Variants in GSDMC observed in about 807,000 individuals in gnomAD.
GSDMC encodes the protein gasdermin C.
Under a neutral mutation model 58.0 loss-of-function variants are expected in GSDMC, and 59 were observed. The ratio of observed to expected loss-of-function variants is 1.02; its 90% confidence interval spans 0.82 to 1.26. The LOEUF (loss-of-function observed/expected upper bound fraction) is 1.26, where lower values mean the gene tolerates loss of function less well. Among genes scored for constraint, GSDMC ranks in the 50% most tolerant of loss-of-function variants. The probability of loss-of-function intolerance (pLI) is 0.00; values close to 1 mark genes in which losing one functional copy is unlikely to be tolerated. For synonymous variants in GSDMC, 241 were observed against 220.2 expected, an observed-to-expected ratio of 1.09 and a Z score of -0.83; for missense variants, 659 against 598.5, an observed-to-expected ratio of 1.10 and a Z score of -1.06.
chr8:129,762,401 G>C (rs1405149077), intron 5 of GSDMC, among the ~76,000 whole-genome samples: 1 of 152,170 alleles, frequency 6.6e-6, no homozygotes, highest in Admixed American at 6.5e-5. Context: ...GTACCAGACT[G>C]TCTGTATCTG....
the GSDMC span, among the ~76,000 whole-genome samples, chr8:129,716,863 T>C: frequency 3.9e-5 from 6 of 152,244 alleles, no homozygotes; most frequent in Non-Finnish European, 7.3e-5. Flanking sequence ...TTTCTGCATC[T>C]ATTGACATAA....
chr8:129,710,783 C>A, the GSDMC span, among the ~76,000 whole-genome samples: 13 of 152,182 alleles, frequency 8.5e-5, no homozygotes, highest in East Asian at 2.5e-3. Context: ...TGCTATTAAC[C>A]CAAGGCTCAT....
At chr8:129,724,928 G>C in the GSDMC span, among the ~76,000 whole-genome samples, 1 of 152,188 alleles carries the variant, frequency 6.6e-6, no homozygotes, top group Non-Finnish European at 1.5e-5. Context: ...AGGTGGCACA[G>C]AGGGACTAAG....
At chr8:129,742,473 C>T in the GSDMC span, among the ~76,000 whole-genome samples, 49,366 of 152,046 alleles carry the variant, frequency 0.32, 11,606 homozygotes, top group African/African-American at 0.65. Context: ...ACTTAGTCAA[C>T]ACACAATTGC....
chr8:129,774,288 A>AAT (rs1563810174), intron 3 of GSDMC, among the ~76,000 whole-genome samples: 29 of 152,170 alleles, frequency 1.9e-4, no homozygotes, highest in Middle Eastern at 3.4e-3. Context: ...GTGACAAGAA[A>AAT]AGACAGTGAG....
At chr8:129,781,104 GAAGAAGAAA>G (rs1369278118) in intron 1 of GSDMC, among the ~76,000 whole-genome samples, 1 of 151,698 alleles carries the variant, frequency 6.6e-6, no homozygotes, top group East Asian at 1.9e-4. Context: ...TCACTAAAAG[GAAGAAGAAA>G]AAGAAGAAAC....
intron 3 of GSDMC, among the ~76,000 whole-genome samples, chr8:129,766,593 C>A (rs534734231): frequency 2.6e-5 from 4 of 152,302 alleles, no homozygotes; most frequent in South Asian, 4.1e-4. Flanking sequence ...ATCTTCCAAG[C>A]ATCATGTTTT....
chr8:129,750,475 C>T lies in GSDMC; in HGVS notation c.1039G>A (p.Ala347Thr). The change falls in exon 11 of 14, where the codon GCC becomes ACC. Residue 347 changes from alanine to threonine, a missense_variant. Coordinates refer to ENST00000276708, the MANE Select transcript of GSDMC (RefSeq NM_031415.3). ...AGAGCCCCTCTGTCTCTGAGCATGG[C>T]CAGGATACTGTAGAACATGACATCC... ...VQDVMFYSIL[A>T]MLRDRGALQD... 6.2e-7 allele frequency: 1 copy of T among 1,613,848 alleles called. No homozygotes were observed. The highest frequency in any genetic ancestry group is 8.5e-7 in the Non-Finnish European group (1 of 1,179,756).
chr8:129,748,779 A>C (rs577181423), intron 13 of GSDMC, 39 bp from the exon 14 acceptor site: 1 of 1,466,824 alleles, frequency 6.8e-7, no homozygotes, highest in East Asian at 2.5e-5. Flanking sequence ...ACCAGCCTTT[A>C]AGATGAGGAA....
At chr8:129,764,565 A>G (rs114318312) in intron 4 of GSDMC, among the ~76,000 whole-genome samples, 1,702 of 152,250 alleles carry the variant, frequency 0.011, 30 homozygotes, top group African/African-American at 0.039. Context: ...CCCACAGGGA[A>G]TAAGTTTTCC....
At chr8:129,749,664 T>C (rs1054184779) in intron 12 of GSDMC, 139 bp from the exon 13 acceptor site, 2 of 692,532 alleles carry the variant, frequency 2.9e-6, no homozygotes, top group African/African-American at 1.8e-5. Context: ...TCAAGCTCCC[T>C]GCCCTGGGAA....
At chr8:129,734,220 G>T in the GSDMC span, among the ~76,000 whole-genome samples, 2 of 152,012 alleles carry the variant, frequency 1.3e-5, no homozygotes, top group South Asian at 2.1e-4. Context: ...GAAAGTGATG[G>T]GGAGAATGGA....
chr8:129,784,738 G>A (rs2034510721), intron 1 of GSDMC, among the ~76,000 whole-genome samples: 1 of 152,182 alleles, frequency 6.6e-6, no homozygotes, highest in African/African-American at 2.4e-5. Flanking sequence ...CAACCTCTCT[G>A]CTGGGTGTAC....
the GSDMC span, among the ~76,000 whole-genome samples, chr8:129,737,860 T>C: frequency 1.3e-5 from 2 of 152,150 alleles, no homozygotes; most frequent in Non-Finnish European, 2.9e-5. Context: ...GAAGCTACCA[T>C]CAGAGTGAAC....
chr8:129,771,336 C>G (rs28840113), intron 3 of GSDMC, among the ~76,000 whole-genome samples: 21,718 of 152,010 alleles, frequency 0.14, 1,623 homozygotes, highest in South Asian at 0.22. Context: ...CAGACATATA[C>G]AGAACATTCC....
chr8:129,744,285 G>A (rs1989396), downstream of GSDMC, among the ~76,000 whole-genome samples: 49,351 of 152,018 alleles, frequency 0.32, 11,598 homozygotes, highest in African/African-American at 0.65. Flanking sequence ...ATTTTGGTGA[G>A]GTTTTTATTT....
chr8:129,748,486 C>A lies in GSDMC; in HGVS notation c.*15G>T, dbSNP rs1354565588. ...AGGGCCAGCATCTCTGGACTGACTG[C>A]CCATCAGGGAGGGCTTAGGCCTCAG... is the stretch of plus-strand genomic sequence containing the variant. On this transcript the variant is annotated 3_prime_UTR_variant, in exon 14 of 14. Coordinates refer to ENST00000276708, the MANE Select transcript of GSDMC (RefSeq NM_031415.3). 10 of 1,589,054 alleles carry A rather than the reference C, an allele frequency of 6.3e-6. No homozygotes were observed. The highest frequency in any genetic ancestry group is 1.3e-5 in the African/African-American group (1 of 74,340).
At chr8:129,776,687 C>A (rs917473607) in intron 2 of GSDMC, among the ~76,000 whole-genome samples, 6 of 152,114 alleles carry the variant, frequency 3.9e-5, no homozygotes, top group Non-Finnish European at 8.8e-5. Flanking sequence ...GGGTTTGGAT[C>A]CCAGTTCTAC....
the GSDMC span, among the ~76,000 whole-genome samples, chr8:129,741,237 A>C: frequency 2.0e-5 from 3 of 151,968 alleles, no homozygotes; most frequent in African/African-American, 7.2e-5. Context: ...TGTTGTTTTG[A>C]TTATAATATC....
Sources: gnomAD v4.1 joint callset for allele counts (sites outside exome capture counted in the v4.1 genomes callset) on GRCh38, gnomAD v4.1.1 for gene constraint, MANE v1.5 for transcripts, NCBI Gene and HGNC (gene_info 2026-07-23, HGNC 2026-07-21) for gene names.